Variants in RANBP17 observed in about 807,000 individuals in gnomAD.
RANBP17 encodes the protein ran-binding protein 17.
Under a neutral mutation model 141.2 loss-of-function variants are expected in RANBP17, and 158 were observed. The ratio of observed to expected loss-of-function variants is 1.12; its 90% CI spans 0.98 to 1.28. The LOEUF (loss-of-function observed/expected upper bound fraction) is 1.28. Ranked by LOEUF, RANBP17 falls within the 50% of genes most tolerant of loss-of-function variation. The pLI is 0.00. For synonymous variants in RANBP17, 430 were observed against 450.0 expected (o/e 0.96, Z 0.56); for missense variants, 1,438 against 1,290.7 (o/e 1.11, Z -1.75).
intron 12 of RANBP17, among the ~76,000 whole-genome samples, chr5:170,930,614 T>C (rs1424918904): frequency 2.0e-5 from 3 of 152,046 alleles, no homozygotes; most frequent in Non-Finnish European, 2.9e-5. Flanking sequence ...CCTGTGTCCA[T>C]GTGTTCTTAT....
chr5:171,271,766 A>G lies in RANBP17; in HGVS notation c.2943+5919A>G, dbSNP rs1354298042. The G allele has an allele frequency of 4.6e-5, 10 of 216,594 alleles. No individual in the cohort carries two copies. The East Asian group carries it at 6.9e-4, about 15-fold the overall frequency. The allele number at this position is 216,594 out of a possible 1,614,324, so 13.4% of individuals were successfully genotyped here. ...TAAAGGAAGCCAGGGATATGTCATT[A>G]GACACTGAAATTGGAAAATAGGAAC... On this transcript the variant is annotated intron_variant, in intron 25 of 27. Coordinates refer to ENST00000523189, the MANE Select transcript of RANBP17 (RefSeq NM_022897.5).
intron 8 of RANBP17, among the ~76,000 whole-genome samples, chr5:170,915,971 G>A (rs1771916175): frequency 6.6e-6 from 1 of 152,038 alleles, no homozygotes; most frequent in African/African-American, 2.4e-5. Flanking sequence ...ATACAAATAG[G>A]AATTTTTATG....
intron 12 of RANBP17, among the ~76,000 whole-genome samples, chr5:170,942,962 A>G (rs1774448819): frequency 1.3e-5 from 2 of 152,170 alleles, no homozygotes; most frequent in South Asian, 4.1e-4. Context: ...TATAAACCGA[A>G]GGAGTTTTTA....
intron 14 of RANBP17, among the ~76,000 whole-genome samples, chr5:171,099,181 T>G (rs976218131): frequency 2.6e-5 from 4 of 152,204 alleles, no homozygotes; most frequent in Non-Finnish European, 5.9e-5. Flanking sequence ...GGGAATAACA[T>G]TGAATCTATA....
Position 171,221,850 on chromosome 5 carries a change from C to G in RANBP17, c.2422+10C>G. 1 of 1,477,112 alleles carries G rather than the reference C, an allele frequency of 6.8e-7. No homozygotes were observed. The highest frequency in any genetic ancestry group is 9.5e-7 in the Non-Finnish European group (1 of 1,058,082). 91.5% of individuals were successfully genotyped at this position (1,477,112 alleles called of 1,614,324 possible). ...ATGGTTTGCACTTATGGTGAGTGTC[C>G]TTTTCCATATGTGCCTCTGCAATAT... is the stretch of plus-strand genomic sequence containing the variant. On this transcript the variant is annotated intron_variant, in intron 22 of 27. Transcript: ENST00000523189.
At chr5:170,898,118 G>A (rs1022903297) in intron 5 of RANBP17, among the ~76,000 whole-genome samples, 23 of 152,150 alleles carry the variant, frequency 1.5e-4, no homozygotes, top group Non-Finnish European at 2.4e-4. Context: ...GGCGTGAGTT[G>A]CAGTCTTGCT....
intron 14 of RANBP17, among the ~76,000 whole-genome samples, chr5:170,972,171 T>C (rs1418567500): frequency 7.1e-6 from 1 of 139,894 alleles, no homozygotes; most frequent in Non-Finnish European, 1.5e-5. Flanking sequence ...TTTGGATCTT[T>C]AGGATTTTTT....
At chr5:171,238,233 T>C (rs1481906603) in intron 22 of RANBP17, among the ~76,000 whole-genome samples, 4 of 152,168 alleles carry the variant, frequency 2.6e-5, no homozygotes, top group Non-Finnish European at 4.4e-5. Flanking sequence ...ATCCTACTGC[T>C]CAAGGTCATC....
intron 13 of RANBP17, among the ~76,000 whole-genome samples, chr5:170,955,930 T>C (rs763919045): frequency 2.0e-5 from 3 of 150,694 alleles, no homozygotes; most frequent in Admixed American, 2.0e-4. Context: ...TTAAATATTA[T>C]GTATTCAGAT....
intron 25 of RANBP17, among the ~76,000 whole-genome samples, chr5:171,289,338 G>A (rs936316464): frequency 2.6e-5 from 4 of 152,148 alleles, no homozygotes; most frequent in African/African-American, 7.2e-5. Flanking sequence ...GACCCACTGA[G>A]CCTTCAACTT....
At position 171,080,370 on chromosome 5, in the gene RANBP17, C is replaced by T. The variant is rs527543597; in HGVS notation, c.1711-89760C>T. ...CAAAGTGCTCTGACCTGTTGCCAAA[C>T]CTTTTTTTCCACAGCTACAGTGCAC... On this transcript the variant is annotated intron_variant, in intron 14 of 27. Coordinates refer to ENST00000523189, the MANE Select transcript of RANBP17 (RefSeq NM_022897.5). 2.0e-5 allele frequency among the ~76,000 whole-genome samples: 3 copies of T among 152,148 alleles called. No individual in the cohort carries two copies. The South Asian group carries it at 6.2e-4, about 32-fold the overall frequency.
intron 18 of RANBP17, among the ~76,000 whole-genome samples, chr5:171,193,807 C>T (rs1453858858): frequency 1.3e-5 from 2 of 152,196 alleles, no homozygotes; most frequent in African/African-American, 4.8e-5. Context: ...TTGGACCCAC[C>T]TGGATAATCC....
chr5:171,248,390 A>G lies in RANBP17; in HGVS notation c.2776+5570A>G, dbSNP rs183524234. On this transcript the variant is annotated intron_variant, in intron 24 of 27. Coordinates refer to ENST00000523189, the MANE Select transcript of RANBP17 (RefSeq NM_022897.5). ...TCAAAAAAAAAAAAAAAAAGAACTC[A>G]CAGGAAACATTTAAGGCACAGAAAG... 7.3e-3 allele frequency among the ~76,000 whole-genome samples: 1,106 copies of G among 151,216 alleles called. 13 individuals are homozygous for G. The highest frequency in any genetic ancestry group is 0.025 in the African/African-American group (1,046 of 41,274).
intron 1 of RANBP17, chr5:170,867,229 T>C (rs1288973388): frequency 1.3e-5 from 2 of 152,182 alleles, no homozygotes; most frequent in African/African-American, 4.8e-5. Flanking sequence ...GGAGACAACA[T>C]GTATTTGGGG....
chr5:171,117,549 G>A (rs1755723797), intron 14 of RANBP17, among the ~76,000 whole-genome samples: 1 of 151,980 alleles, frequency 6.6e-6, no homozygotes, highest in Non-Finnish European at 1.5e-5. Context: ...GCCCAGGCTG[G>A]AGTGCAATGG....
intron 12 of RANBP17, among the ~76,000 whole-genome samples, chr5:170,932,468 G>T (rs1179653653): frequency 6.6e-6 from 1 of 152,170 alleles, no homozygotes; most frequent in East Asian, 1.9e-4. Flanking sequence ...GTGAGAGAGG[G>T]CATCCCTGTC....
intron 13 of RANBP17, among the ~76,000 whole-genome samples, chr5:170,958,648 A>T (rs1775918308): frequency 6.6e-6 from 1 of 152,194 alleles, no homozygotes; most frequent in South Asian, 2.1e-4. Flanking sequence ...TATATATAAT[A>T]GCATTCCAAC....
At chr5:170,982,577 G>C (rs1043814548) in intron 14 of RANBP17, among the ~76,000 whole-genome samples, 3 of 152,146 alleles carry the variant, frequency 2.0e-5, no homozygotes, top group South Asian at 2.1e-4. Flanking sequence ...CTAGAATGCA[G>C]AACAGAAAGT....
At chr5:171,182,820 A>G (rs1217239148) in intron 16 of RANBP17, among the ~76,000 whole-genome samples, 1 of 152,156 alleles carries the variant, frequency 6.6e-6, no homozygotes, top group Admixed American at 6.5e-5. Flanking sequence ...ATTATGAAAT[A>G]ACATTAAGTA....
Sources: gnomAD v4.1 joint callset for allele counts (sites outside exome capture counted in the v4.1 genomes callset) on GRCh38, gnomAD v4.1.1 for gene constraint, MANE v1.5 for transcripts, NCBI Gene and HGNC (gene_info 2026-07-23, HGNC 2026-07-21) for gene names.